The following PTPRN2 variants were observed in gnomAD, a reference collection of about 807,000 sequenced individuals.
PTPRN2 encodes the protein receptor-type tyrosine-protein phosphatase N2.
In PTPRN2, 74 loss-of-function variants were observed where a neutral mutation model predicts 118.8. The ratio of observed to expected loss-of-function variants is 0.62; its 90% CI spans 0.52 to 0.76. The LOEUF (loss-of-function observed/expected upper bound fraction) is 0.76, where lower values mean the gene tolerates loss of function less well. Ranked by LOEUF, PTPRN2 falls within the 30% of genes least tolerant of loss-of-function variation. The pLI is 0.00. For synonymous variants in PTPRN2, 641 were observed against 608.0 expected, an observed-to-expected ratio of 1.05 and a Z score of -0.80; for missense variants, 1,481 against 1,394.4, an observed-to-expected ratio of 1.06 and a Z score of -0.99.
intron 2 of PTPRN2, among the ~76,000 whole-genome samples, chr7:158,326,652 G>GAT (rs1364026721): frequency 4.3e-5 from 1 of 23,482 alleles, no homozygotes; most frequent in Non-Finnish European, 1.3e-4. Flanking sequence ...TTTCACACAT[G>GAT]CTCACACTCT....
At chr7:158,464,750 G>A (rs1052340766) in intron 2 of PTPRN2, among the ~76,000 whole-genome samples, 39 of 143,292 alleles carry the variant, frequency 2.7e-4, no homozygotes, top group South Asian at 4.6e-4. Flanking sequence ...ATGCCATTTA[G>A]TAAATAATCC....
chr7:158,132,400 C>T (rs985805811), intron 9 of PTPRN2, among the ~76,000 whole-genome samples: 1 of 151,532 alleles, frequency 6.6e-6, no homozygotes, highest in Non-Finnish European at 1.5e-5. Context: ...TAAGCACAAA[C>T]CAATACACAT....
At chr7:158,074,838 C>T (rs765206616) in intron 11 of PTPRN2, among the ~76,000 whole-genome samples, 2 of 152,178 alleles carry the variant, frequency 1.3e-5, no homozygotes, top group East Asian at 1.9e-4. Context: ...CAGGTGAGAA[C>T]GAGCTGCTCC....
At chr7:157,827,409 A>AC (rs1266470942) in intron 12 of PTPRN2, among the ~76,000 whole-genome samples, 2 of 150,756 alleles carry the variant, frequency 1.3e-5, no homozygotes, top group African/African-American at 4.9e-5. Context: ...ACAACACAAC[A>AC]CAGTGTGGGC....
chr7:158,383,694 G>A (rs1012738052), intron 2 of PTPRN2, among the ~76,000 whole-genome samples: 5 of 152,248 alleles, frequency 3.3e-5, no homozygotes, highest in Admixed American at 3.3e-4. Context: ...AAAGAAAGGT[G>A]TGGGTTTGTG....
intron 11 of PTPRN2, among the ~76,000 whole-genome samples, chr7:157,988,923 A>G (rs1336916829): frequency 6.6e-6 from 1 of 152,242 alleles, no homozygotes; most frequent in Non-Finnish European, 1.5e-5. Context: ...AAAATCAGGG[A>G]CACCCTCTGT....
intron 11 of PTPRN2, among the ~76,000 whole-genome samples, chr7:158,070,437 TGGA>T (rs1279542823): frequency 4.5e-5 from 6 of 133,194 alleles, no homozygotes; most frequent in African/African-American, 1.9e-4. Context: ...CTCGTGGTGG[TGGA>T]GGTGCCCGTG....
chr7:158,129,664 C>T (rs917414014), intron 9 of PTPRN2, among the ~76,000 whole-genome samples: 1 of 152,174 alleles, frequency 6.6e-6, no homozygotes, highest in African/African-American at 2.4e-5. Context: ...GAGACGTCCA[C>T]AGCACAGGGC....
At chr7:158,406,618 A>G (rs574004706) in intron 2 of PTPRN2, among the ~76,000 whole-genome samples, 1 of 152,280 alleles carries the variant, frequency 6.6e-6, no homozygotes, top group African/African-American at 2.4e-5. Flanking sequence ...TCTCCCGCGG[A>G]CCTGAGTCCT....
At chr7:157,774,915 A>G (rs1803103664) in intron 12 of PTPRN2, among the ~76,000 whole-genome samples, 1 of 152,224 alleles carries the variant, frequency 6.6e-6, no homozygotes, top group South Asian at 2.1e-4. Context: ...TAACTGGTCA[A>G]GGAACATGGT....
chr7:157,921,328 A>G (rs1798681953), intron 11 of PTPRN2, among the ~76,000 whole-genome samples: 1 of 152,154 alleles, frequency 6.6e-6, no homozygotes, highest in African/African-American at 2.4e-5. Flanking sequence ...GAGTTGGGGG[A>G]AGAGAGAGGT....
At chr7:158,090,442 TAA>T (rs1341845700) in intron 10 of PTPRN2, among the ~76,000 whole-genome samples, 1 of 152,260 alleles carries the variant, frequency 6.6e-6, no homozygotes, top group East Asian at 1.9e-4. Context: ...TGTACATAGA[TAA>T]GAGATCATTT....
chr7:158,449,478 T>C (rs1817949222), intron 2 of PTPRN2, among the ~76,000 whole-genome samples: 1 of 152,082 alleles, frequency 6.6e-6, no homozygotes, highest in Non-Finnish European at 1.5e-5. Flanking sequence ...CAGCGCAGTC[T>C]GAGTCCAAAC....
rs563582910 is a variant in PTPRN2 at position 158,167,232 on chromosome 7, G to T, written c.609C>A (p.Thr203=). ...LTYVAHTSAL[T]YPPGSRTQLR... ...GCTGGGTCCGGGACCCGGGAGGGTA[G>T]GTCAGCGCAGACGTGTGGGCCACAT... The change falls in exon 6 of 23, where the codon ACC becomes ACA. Residue 203 remains threonine, a synonymous_variant. Coordinates refer to ENST00000389418, the MANE Select transcript of PTPRN2 (RefSeq NM_002847.5). The T allele has an allele frequency of 2.0e-5, 33 of 1,613,304 alleles. 1 individual carries two copies. The South Asian group carries it at 3.5e-4, about 17-fold the overall frequency.
At chr7:157,724,037 C>G (rs1799389944) in intron 12 of PTPRN2, among the ~76,000 whole-genome samples, 1 of 152,152 alleles carries the variant, frequency 6.6e-6, no homozygotes, top group Non-Finnish European at 1.5e-5. Flanking sequence ...CTTCCCCCGT[C>G]TGAATTGTGC....
intron 6 of PTPRN2, among the ~76,000 whole-genome samples, chr7:158,150,651 T>C (rs1352299245): frequency 6.6e-6 from 1 of 152,010 alleles, no homozygotes. Context: ...ATTCCACCCT[T>C]GTGAACATAA....
intron 11 of PTPRN2, among the ~76,000 whole-genome samples, chr7:158,032,529 C>G (rs998934907): frequency 6.6e-6 from 1 of 152,108 alleles, no homozygotes; most frequent in African/African-American, 2.4e-5. Context: ...AGACCCAAGG[C>G]AGGTGAAAAA....
intron 12 of PTPRN2, among the ~76,000 whole-genome samples, chr7:157,835,257 G>A (rs1287995174): frequency 1.3e-5 from 2 of 152,108 alleles, no homozygotes; most frequent in African/African-American, 4.8e-5. Flanking sequence ...TCTAAAAACA[G>A]GAGCAGAAAC....
At chr7:157,771,626 A>G (rs1802809064) in intron 12 of PTPRN2, among the ~76,000 whole-genome samples, 1 of 152,194 alleles carries the variant, frequency 6.6e-6, no homozygotes, top group African/African-American at 2.4e-5. Flanking sequence ...TGTGCTGGCA[A>G]AGCAGTGCAA....
Sources: allele counts gnomAD v4.1 joint callset (sites outside exome capture counted in the v4.1 genomes callset), GRCh38; gene constraint gnomAD v4.1.1; transcripts MANE v1.5; gene names NCBI Gene and HGNC (gene_info 2026-07-23, HGNC 2026-07-21).